Variants in HSF2 observed in about 807,000 individuals in gnomAD.
HSF2 encodes the protein heat shock factor protein 2.
A neutral mutation model predicts 65.0 loss-of-function variants in HSF2; 21 were observed. The ratio of observed to expected loss-of-function variants is 0.32; its 90% confidence interval spans 0.23 to 0.47. HSF2 has a LOEUF of 0.47. Ranked by LOEUF, HSF2 falls within the 20% of genes least tolerant of loss-of-function variation. The probability of loss-of-function intolerance (pLI) is 1.00; values close to 1 mark genes in which losing one functional copy is unlikely to be tolerated. For missense variants in HSF2, 499 were observed against 628.1 expected (o/e 0.79, Z 2.20); for synonymous variants, 225 against 219.1 (o/e 1.03, Z -0.24).
At chr6:122,401,052 T>C (rs1381405014) in intron 1 of HSF2, among the ~76,000 whole-genome samples, 3 of 152,214 alleles carry the variant, frequency 2.0e-5, no homozygotes, top group Non-Finnish European at 4.4e-5. Flanking sequence ...GTTTGCCTTG[T>C]GTTATTATTT....
At chr6:122,425,895 C>T (rs1774329259) in intron 10 of HSF2, among the ~76,000 whole-genome samples, 1 of 152,054 alleles carries the variant, frequency 6.6e-6, no homozygotes, top group African/African-American at 2.4e-5. Flanking sequence ...CATCAGTTAG[C>T]TCTTACCTCA....
chr6:122,399,801 C>T lies in HSF2; in HGVS notation c.64C>T (p.His22Tyr), dbSNP rs372027374. ...GCTGTGGACGCTTGTGGAGGAAACC[C>T]ACACTAACGAGTTCATCACCTGGAG... ...SKLWTLVEETHTNEFITWSQN... is the reference protein window; with the variant it reads ...SKLWTLVEETYTNEFITWSQN... The change falls in exon 1 of 13, where the codon CAC (histidine) becomes TAC (tyrosine). Residue 22 changes from histidine to tyrosine, a missense_variant. By Grantham distance (83) the His-to-Tyr change is moderately conservative. Transcript: ENST00000368455. The T allele has an allele frequency of 3.1e-6, 5 of 1,611,788 alleles. No homozygotes were observed. The highest frequency in any genetic ancestry group is 1.7e-5 in the Admixed American group (1 of 59,856).
intron 12 of HSF2, 131 bp downstream of exon 12, chr6:122,431,645 T>C (rs1774471255): frequency 1.8e-6 from 1 of 554,334 alleles, no homozygotes; most frequent in Non-Finnish European, 3.2e-6. Context: ...GGTTCTAGTA[T>C]ATAGAGAAAG....
At chr6:122,407,772 A>G (rs1773899583) in intron 1 of HSF2, among the ~76,000 whole-genome samples, 1 of 152,098 alleles carries the variant, frequency 6.6e-6, no homozygotes, top group South Asian at 2.1e-4. Flanking sequence ...GTACGTGTAG[A>G]TATTGTCTTA....
chr6:122,420,700 CTTTTTTTTTTTTTTTTTT>C (rs59305295), intron 7 of HSF2, among the ~76,000 whole-genome samples: 1 of 28,572 alleles, frequency 3.5e-5, no homozygotes, highest in Non-Finnish European at 6.1e-5. Flanking sequence ...TTATTCATTT[CTTTTTTTTTTTTTTTTTT>C]TTTTTTTTTT....
chr6:122,409,236 T>A (rs1773934606), intron 1 of HSF2, among the ~76,000 whole-genome samples: 1 of 151,988 alleles, frequency 6.6e-6, no homozygotes, highest in Non-Finnish European at 1.5e-5. Flanking sequence ...GTGTTTAGCA[T>A]CAAAGCCCAG....
intron 11 of HSF2, among the ~76,000 whole-genome samples, chr6:122,429,959 C>G (rs957962337): frequency 1.3e-5 from 2 of 152,114 alleles, no homozygotes; most frequent in Non-Finnish European, 2.9e-5. Flanking sequence ...GGATATTGGC[C>G]TGAAATTTTC....
At chr6:122,401,317 A>G (rs1000001736) in intron 1 of HSF2, among the ~76,000 whole-genome samples, 1 of 152,216 alleles carries the variant, frequency 6.6e-6, no homozygotes, top group East Asian at 1.9e-4. Flanking sequence ...GACAAGAAGG[A>G]TCAGTACAGA....
At chr6:122,400,000 G>T (rs1468471910) in intron 1 of HSF2, among the ~76,000 whole-genome samples, 170 bp downstream of exon 1, 2 of 152,226 alleles carry the variant, frequency 1.3e-5, no homozygotes, top group East Asian at 1.9e-4. Context: ...TTCGCTCGGG[G>T]AGCCGCGGGG....
At chr6:122,428,020 A>G in intron 11 of HSF2, 64 bp downstream of exon 11, 4 of 1,003,050 alleles carry the variant, frequency 4.0e-6, no homozygotes, top group Non-Finnish European at 6.1e-6. Flanking sequence ...CGTCCTAATA[A>G]GTAGAGAGCA....
intron 9 of HSF2, 35 bp from the exon 10 acceptor site, chr6:122,423,546 C>A: frequency 8.7e-7 from 1 of 1,146,872 alleles, no homozygotes; most frequent in Non-Finnish European, 1.3e-6. Flanking sequence ...ACAAGGATAT[C>A]TAATATTTGA....
intron 1 of HSF2, among the ~76,000 whole-genome samples, chr6:122,400,414 A>G (rs906340662): frequency 6.6e-6 from 1 of 152,226 alleles, no homozygotes; most frequent in African/African-American, 2.4e-5. Flanking sequence ...TTAAAAATAT[A>G]TAGAAATTAA....
At chr6:122,415,438 G>C (rs1174127258) in intron 4 of HSF2, among the ~76,000 whole-genome samples, 1 of 152,012 alleles carries the variant, frequency 6.6e-6, no homozygotes, top group Non-Finnish European at 1.5e-5. Flanking sequence ...GTGGTTTTTA[G>C]AGAAATTTTA....
At chr6:122,419,137 A>G (rs1414562160) in intron 5 of HSF2, 31 bp from the exon 6 acceptor site, 2 of 1,042,976 alleles carry the variant, frequency 1.9e-6, no homozygotes, top group Non-Finnish European at 3.0e-6. Context: ...TAACAGTATA[A>G]TGAAATAATT....
At chr6:122,410,948 G>GTTTT (rs34451736) in intron 1 of HSF2, among the ~76,000 whole-genome samples, 2 of 128,904 alleles carry the variant, frequency 1.6e-5, no homozygotes, top group Non-Finnish European at 3.2e-5. Context: ...TTGTTTTTGG[G>GTTTT]TTTTTTTTTT....
intron 1 of HSF2, among the ~76,000 whole-genome samples, chr6:122,410,819 T>G (rs1412462054): frequency 1.3e-5 from 2 of 151,908 alleles, no homozygotes; most frequent in African/African-American, 4.8e-5. Context: ...CATGTGTTGG[T>G]GGATACTGAA....
At chr6:122,419,581 T>A (rs1279041197) in intron 6 of HSF2, among the ~76,000 whole-genome samples, 2 of 152,194 alleles carry the variant, frequency 1.3e-5, no homozygotes, top group Non-Finnish European at 2.9e-5. Flanking sequence ...AAAATTTGTT[T>A]TACTTGACCT....
chr6:122,402,678 G>A (rs1045529998), intron 1 of HSF2, among the ~76,000 whole-genome samples: 2 of 151,702 alleles, frequency 1.3e-5, no homozygotes, highest in African/African-American at 2.4e-5. Context: ...TCAGCGTCTC[G>A]AGTAGTTGTG....
At chr6:122,415,529 C>T (rs1774104662) in intron 4 of HSF2, among the ~76,000 whole-genome samples, 1 of 151,948 alleles carries the variant, frequency 6.6e-6, no homozygotes, top group Admixed American at 6.6e-5. Context: ...CCTTTATTTC[C>T]TAAGGTGATT....
Sources: allele counts gnomAD v4.1 joint callset (sites outside exome capture counted in the v4.1 genomes callset), GRCh38; gene constraint gnomAD v4.1.1; transcripts MANE v1.5; gene names NCBI Gene and HGNC (gene_info 2026-07-23, HGNC 2026-07-21).